FGF14: variants seen among roughly 807,000 people sequenced by gnomAD.
FGF14 encodes the protein fibroblast growth factor homologous factor 4.
A neutral mutation model predicts 25.5 loss-of-function variants in FGF14; 5 were observed. The observed-to-expected ratio is 0.20, with a 90% confidence interval of 0.10 to 0.41. FGF14 has a LOEUF of 0.41. FGF14 is among the 10% of genes least tolerant of loss of function. The probability of loss-of-function intolerance (pLI) is 1.00; values close to 1 mark genes in which losing one functional copy is unlikely to be tolerated. For missense variants in FGF14, 222 were observed against 320.1 expected, an observed-to-expected ratio of 0.69 and a Z score of 2.34; for synonymous variants, 138 against 118.3, an observed-to-expected ratio of 1.17 and a Z score of -1.08.
chr13:101,848,521 G>A (rs962737671), intron 3 of FGF14, among the ~76,000 whole-genome samples: 1 of 152,028 alleles, frequency 6.6e-6, no homozygotes, highest in Non-Finnish European at 1.5e-5. Context: ...TTCCTTCAGC[G>A]AGAATGAGGT....
chr13:102,270,535 TA>T (rs1173251329), intron 1 of FGF14, among the ~76,000 whole-genome samples: 1 of 152,114 alleles, frequency 6.6e-6, no homozygotes, highest in Non-Finnish European at 1.5e-5. Flanking sequence ...ACCAAATATA[TA>T]AAAGCTTTTA....
At chr13:101,943,456 A>G (rs2476232) in intron 1 of FGF14, among the ~76,000 whole-genome samples, 72,819 of 152,094 alleles carry the variant, frequency 0.48, 21,587 homozygotes, top group African/African-American at 0.82. Flanking sequence ...TGTTACTGAC[A>G]TCTAGTTGGT....
intron 1 of FGF14, among the ~76,000 whole-genome samples, chr13:101,903,089 T>C (rs2139001412): frequency 6.6e-6 from 1 of 152,278 alleles, no homozygotes; most frequent in Admixed American, 6.5e-5. Flanking sequence ...TCCAATGAAT[T>C]CTAGTGGCTA....
intron 1 of FGF14, among the ~76,000 whole-genome samples, chr13:102,153,827 A>G (rs2047195722): frequency 6.6e-6 from 1 of 152,202 alleles, no homozygotes; most frequent in African/African-American, 2.4e-5. Context: ...ACGAATCACA[A>G]GTAATCACAG....
chr13:102,132,492 G>A (rs887179102), intron 1 of FGF14, among the ~76,000 whole-genome samples: 2 of 149,120 alleles, frequency 1.3e-5, no homozygotes, highest in African/African-American at 4.9e-5. Flanking sequence ...TCTCTTAAAA[G>A]GCATACTTTT....
chr13:101,839,653 CAG>C (rs577959862), intron 3 of FGF14, among the ~76,000 whole-genome samples: 68 of 151,964 alleles, frequency 4.5e-4, no homozygotes, highest in Non-Finnish European at 7.2e-4. Context: ...AATTCAAATA[CAG>C]AGTTTCCTTA....
At chr13:102,029,862 C>G (rs2041123087) in intron 1 of FGF14, among the ~76,000 whole-genome samples, 1 of 152,082 alleles carries the variant, frequency 6.6e-6, no homozygotes, top group Non-Finnish European at 1.5e-5. Flanking sequence ...TTTAACACAT[C>G]TTGTGTCTTG....
chr13:101,826,202 T>A (rs2042386759), intron 3 of FGF14, among the ~76,000 whole-genome samples: 3 of 151,906 alleles, frequency 2.0e-5, no homozygotes, highest in Non-Finnish European at 4.4e-5. Context: ...TCTTTTAGTC[T>A]TTTTTCTACC....
chr13:102,399,355 GT>G (rs1469385485), intron 1 of FGF14, among the ~76,000 whole-genome samples: 1 of 152,196 alleles, frequency 6.6e-6, no homozygotes, highest in East Asian at 1.9e-4. Context: ...AATAAAAAAT[GT>G]TTTTGCACTA....
chr13:102,257,337 C>CTTTTTTT (rs2052492542), intron 1 of FGF14, among the ~76,000 whole-genome samples: 1 of 25,012 alleles, frequency 4.0e-5, no homozygotes, highest in Non-Finnish European at 9.1e-5. Flanking sequence ...CATTTCCTTT[C>CTTTTTTT]TTTTCTTTTT....
rs1435987779 is a variant in FGF14, at chr13:101,720,439, CTTAAT to C, written c.*2387_*2391del. The C allele has an allele frequency of 6.6e-6, 1 of 151,958 alleles. No individual in the cohort carries two copies. Among genetic ancestry groups the C allele is most frequent in the Non-Finnish European group, 1.5e-5 (1 of 67,988 alleles). 9.4% of individuals were successfully genotyped at this position (151,958 alleles called of 1,614,324 possible). Reference sequence around the variant, plus strand: ...AGTCATTTACAAAAATAAATCTTGTCTTAATTTAAACCAATAAACAGACTTGCAGG... The same window carrying C: ...AGTCATTTACAAAAATAAATCTTGTCTTAAACCAATAAACAGACTTGCAGG... On this transcript the variant is annotated 3_prime_UTR_variant, in exon 5 of 5. Coordinates refer to ENST00000376143, the MANE Select transcript of FGF14 (RefSeq NM_004115.4).
intron 1 of FGF14, among the ~76,000 whole-genome samples, chr13:102,308,248 A>G (rs1030443615): frequency 6.6e-6 from 1 of 152,192 alleles, no homozygotes; most frequent in African/African-American, 2.4e-5. Flanking sequence ...CAAGTGGACA[A>G]CTGAGGATAT....
chr13:102,377,204 T>C (rs1296029238), intron 1 of FGF14, among the ~76,000 whole-genome samples: 4 of 152,158 alleles, frequency 2.6e-5, no homozygotes, highest in East Asian at 1.9e-4. Flanking sequence ...AGGCTATTTA[T>C]AGTGTTCAGG....
At chr13:101,995,986 A>G (rs1003042659) in intron 1 of FGF14, among the ~76,000 whole-genome samples, 1 of 152,198 alleles carries the variant, frequency 6.6e-6, no homozygotes, top group African/African-American at 2.4e-5. Flanking sequence ...TACACATTTT[A>G]AAATAATGTA....
intron 3 of FGF14, among the ~76,000 whole-genome samples, chr13:101,790,299 A>G (rs1287716649): frequency 7.9e-5 from 12 of 152,220 alleles, no homozygotes; most frequent in Non-Finnish European, 1.5e-5. Flanking sequence ...TAACTGCCGT[A>G]AACATTTAAG....
chr13:102,216,297 T>A (rs1024048822), intron 1 of FGF14, among the ~76,000 whole-genome samples: 1 of 152,142 alleles, frequency 6.6e-6, no homozygotes, highest in Non-Finnish European at 1.5e-5. Context: ...CTTCACCATC[T>A]ACTAGCCAGA....
chr13:101,952,984 A>T (rs61965259), intron 1 of FGF14, among the ~76,000 whole-genome samples: 4,462 of 152,300 alleles, frequency 0.029, 96 homozygotes, highest in Middle Eastern at 0.048. Context: ...CAGTGAGCCA[A>T]GATTGCACCA....
chr13:101,976,436 G>A (rs982927706), intron 1 of FGF14, among the ~76,000 whole-genome samples: 4 of 152,018 alleles, frequency 2.6e-5, no homozygotes, highest in African/African-American at 4.8e-5. Flanking sequence ...TGGGCTGTGT[G>A]CTCCTATTGG....
intron 1 of FGF14, among the ~76,000 whole-genome samples, chr13:101,898,784 AAGAAG>A (rs1312687148): frequency 6.6e-6 from 1 of 152,188 alleles, no homozygotes; most frequent in African/African-American, 2.4e-5. Context: ...TTTTAAAAAC[AAGAAG>A]AGAAAAGAAA....
Sources: gnomAD v4.1 joint callset for allele counts (sites outside exome capture counted in the v4.1 genomes callset) on GRCh38, gnomAD v4.1.1 for gene constraint, MANE v1.5 for transcripts, NCBI Gene and HGNC (gene_info 2026-07-23, HGNC 2026-07-21) for gene names.